The following SGK1 variants were observed in gnomAD, a reference collection of about 807,000 sequenced individuals.
The protein encoded by SGK1 is serine/threonine-protein kinase Sgk1.
SGK1 carries 26 observed loss-of-function variants against 64.2 expected under a neutral mutation model. The ratio of observed to expected loss-of-function variants is 0.40; its 90% confidence interval spans 0.30 to 0.56. The LOEUF (loss-of-function observed/expected upper bound fraction) is 0.56. Among genes scored for constraint, SGK1 ranks in the 20% least tolerant of loss-of-function variants. The pLI is 0.38. For synonymous variants in SGK1, 265 were observed against 239.7 expected, an observed-to-expected ratio of 1.11 and a Z score of -0.98; for missense variants, 519 against 645.6, an observed-to-expected ratio of 0.80 and a Z score of 2.12.
chr6:134,261,953 C>G lies in SGK1; in HGVS notation c.265G>C (p.Glu89Gln), dbSNP rs771476421. The change falls in exon 2 of 14, where the codon GAA becomes CAA. Residue 89 changes from glutamate to glutamine, a missense_variant. Coordinates refer to ENST00000367858, the MANE Select transcript of SGK1 (RefSeq NM_001143676.3). ...CTTACTTCACACCCAGATTGAGTTT[C>G]CCATGAACATGACTCGTTCTCCTGA... ...LPQENESCSW[E>Q]TQSGCEVREP... 1.9e-5 allele frequency: 31 copies of G among 1,613,092 alleles called. No individual in the cohort carries two copies. The highest frequency in any genetic ancestry group is 8.5e-6 in the Non-Finnish European group (10 of 1,179,180).
chr6:134,174,686 C>T (rs1775156753), intron 3 of SGK1, 100 bp from the exon 4 acceptor site: 2 of 1,613,548 alleles, frequency 1.2e-6, no homozygotes, highest in Non-Finnish European at 1.7e-6. Context: ...AAAATTTCCA[C>T]TTTGCGTCTC....
rs184655630 is a variant in SGK1, at chr6:134,317,881, G to C, written c.-421C>G. ...TTCTCCAGGTGATGCGCTCCTGGAG[G>C]CGGCTTGAGAGAGGAGAGTTGTTTT... On this transcript the variant is annotated 5_prime_UTR_variant, in exon 1 of 14. Transcript: ENST00000367858. 2.9e-3 allele frequency: 500 copies of C among 172,374 alleles called. 13 individuals are homozygous for C. The highest frequency in any genetic ancestry group is 0.029 in the Admixed American group (468 of 16,292). The allele number at this position is 172,374 out of a possible 1,614,324, so 10.7% of individuals were successfully genotyped here. A position where few individuals can be genotyped will look rare whatever the true frequency, so the allele number is the denominator to read the frequency against.
chr6:134,279,875 A>G (rs1233893663), intron 1 of SGK1, among the ~76,000 whole-genome samples: 1 of 152,166 alleles, frequency 6.6e-6, no homozygotes, highest in Non-Finnish European at 1.5e-5. Flanking sequence ...ATAAACACTT[A>G]GCTTTGCTTA....
rs547256475 is a variant in SGK1, at chr6:134,201,605, A to G, written c.361+5751T>C. ...TTGAACTCCTGATCTCAGGTGATCC[A>G]CCTGCCTCAGCCTCCCAAAGTGCTG... On this transcript the variant is annotated intron_variant, in intron 3 of 13. Transcript: ENST00000367858. 1.1e-3 allele frequency among the ~76,000 whole-genome samples: 159 copies of G among 150,162 alleles called. 2 individuals carry two copies. Among genetic ancestry groups the G allele is most frequent in the South Asian group, 1.5e-3 (7 of 4,712 alleles).
chr6:134,198,263 T>C (rs1433299753), intron 3 of SGK1, among the ~76,000 whole-genome samples: 1 of 152,226 alleles, frequency 6.6e-6, no homozygotes, highest in African/African-American at 2.4e-5. Flanking sequence ...AGGATTTTCA[T>C]GTGTCCACAG....
chr6:134,232,473 A>AAGAAAGAGAAAGAAAG (rs1554222981), intron 2 of SGK1, among the ~76,000 whole-genome samples: 1 of 96,106 alleles, frequency 1.0e-5, no homozygotes, highest in African/African-American at 5.2e-5. Context: ...GAAAGAAAGA[A>AAGAAAGAGAAAGAAAG]AGAAAGAAAG....
chr6:134,201,538 T>A (rs1775684660), intron 3 of SGK1, among the ~76,000 whole-genome samples: 1 of 151,938 alleles, frequency 6.6e-6, no homozygotes, highest in Admixed American at 6.6e-5. Context: ...ATTTTTGTAT[T>A]TTTAGTAGAG....
rs377108752 is a variant in SGK1, at chr6:134,275,403, G to A, written c.70-13255C>T. The stretch of plus-strand genomic sequence containing the variant: ...CAGCTTCTTTCCAAATGCAAAAGCT[G>A]TCTTGTTGCTACCTAGCTTTAAACT... On this transcript the variant is annotated intron_variant, in intron 1 of 13. Transcript: ENST00000367858. Among the ~76,000 whole-genome samples, 15 of 152,294 alleles carry A rather than the reference G, an allele frequency of 9.8e-5. No homozygotes were observed. The South Asian group carries it at 1.9e-3, about 19-fold the overall frequency.
intron 3 of SGK1, among the ~76,000 whole-genome samples, chr6:134,183,798 C>T (rs1224280745): frequency 6.6e-6 from 1 of 152,052 alleles, no homozygotes; most frequent in Non-Finnish European, 1.5e-5. Flanking sequence ...GGCATGGTTT[C>T]CTATAATAAT....
chr6:134,257,128 C>G (rs1231447170), intron 2 of SGK1: 1 of 152,408 alleles, frequency 6.6e-6, no homozygotes, highest in Non-Finnish European at 1.5e-5. Context: ...TTTGGGAATA[C>G]CAGGTGCTGT....
intron 1 of SGK1, among the ~76,000 whole-genome samples, chr6:134,314,632 T>C (rs926713284): frequency 6.6e-6 from 1 of 152,208 alleles, no homozygotes; most frequent in Non-Finnish European, 1.5e-5. Flanking sequence ...TAGTCAGCTC[T>C]AATAAATAGT....
chr6:134,294,907 G>A (rs1777322674), intron 1 of SGK1, among the ~76,000 whole-genome samples: 1 of 152,188 alleles, frequency 6.6e-6, no homozygotes, highest in Admixed American at 6.5e-5. Flanking sequence ...GTAATGATGA[G>A]CATAAACGAT....
chr6:134,298,833 C>T, intron 1 of SGK1: 1 of 230,528 alleles, frequency 4.3e-6, no homozygotes, highest in Non-Finnish European at 7.9e-6. Context: ...TGGAGTCTCT[C>T]TCCGTCGCCC....
intron 3 of SGK1, chr6:134,175,908 A>T: frequency 5.5e-5 from 51 of 926,630 alleles, no homozygotes; most frequent in East Asian, 4.2e-4. Flanking sequence ...AAGAGGGAAA[A>T]GGGGGAGGGA....
intron 1 of SGK1, among the ~76,000 whole-genome samples, chr6:134,267,481 C>T (rs9376024): frequency 0.13 from 20,204 of 151,914 alleles, 1,772 homozygotes; most frequent in Non-Finnish European, 0.18. Context: ...TTTGGAGAGA[C>T]GGTGTCTCAT....
chr6:134,310,496 C>A (rs1242821565), intron 1 of SGK1, among the ~76,000 whole-genome samples: 3 of 152,196 alleles, frequency 2.0e-5, no homozygotes, highest in Admixed American at 1.3e-4. Flanking sequence ...GCTCCTAAGA[C>A]CATGCTGAAA....
At chr6:134,307,490 A>C (rs1236554154) in intron 1 of SGK1, among the ~76,000 whole-genome samples, 1 of 152,222 alleles carries the variant, frequency 6.6e-6, no homozygotes, top group African/African-American at 2.4e-5. Context: ...TGCAGATCCT[A>C]AAATCCATAG....
chr6:134,270,390 G>A (rs1373128138), intron 1 of SGK1, among the ~76,000 whole-genome samples: 2 of 147,854 alleles, frequency 1.4e-5, no homozygotes, highest in Admixed American at 1.4e-4. Context: ...AATTCCAGAG[G>A]CTAGTGTATG....
chr6:134,258,882 G>A (rs144821303), intron 2 of SGK1, among the ~76,000 whole-genome samples: 2 of 152,262 alleles, frequency 1.3e-5, no homozygotes, highest in East Asian at 3.9e-4. Context: ...CAGCTACTTG[G>A]GAGGCTGAGG....
Sources: gnomAD v4.1 joint callset for allele counts (sites outside exome capture counted in the v4.1 genomes callset) on GRCh38, gnomAD v4.1.1 for gene constraint, MANE v1.5 for transcripts, NCBI Gene and HGNC (gene_info 2026-07-23, HGNC 2026-07-21) for gene names.